Variants in FOCAD observed in about 807,000 individuals in gnomAD.
The protein encoded by FOCAD is KIAA1797.
Under a neutral mutation model 225.6 loss-of-function variants are expected in FOCAD, and 198 were observed. That is an observed-to-expected ratio of 0.88 (90% CI 0.78 to 0.99). FOCAD has a LOEUF of 0.99. Among genes scored for constraint, FOCAD ranks in the 50% least tolerant of loss-of-function variants. The probability of loss-of-function intolerance (pLI) is 0.00; values close to 1 mark genes in which losing one functional copy is unlikely to be tolerated. For synonymous variants in FOCAD, 897 were observed against 755.0 expected (o/e 1.19, Z -3.08); for missense variants, 2,713 against 2,123.6 (o/e 1.28, Z -5.46).
chr9:20,921,736 A>T (rs934676237), intron 24 of FOCAD, among the ~76,000 whole-genome samples: 3 of 152,188 alleles, frequency 2.0e-5, no homozygotes, highest in African/African-American at 4.8e-5. Context: ...TTTCTCCATT[A>T]CTTAAGAACA....
intron 18 of FOCAD, among the ~76,000 whole-genome samples, chr9:20,870,641 C>T (rs573057103): frequency 6.6e-6 from 1 of 152,244 alleles, no homozygotes; most frequent in African/African-American, 2.4e-5. Context: ...AGCATCAGAT[C>T]GCAGCTCCCA....
chr9:20,869,467 A>G (rs1481145705), intron 18 of FOCAD, among the ~76,000 whole-genome samples: 4 of 152,200 alleles, frequency 2.6e-5, no homozygotes, highest in South Asian at 4.1e-4. Context: ...CTGAACATCA[A>G]TTTATGTTGT....
chr9:20,859,893 C>T (rs920215402), intron 15 of FOCAD, among the ~76,000 whole-genome samples: 1 of 151,530 alleles, frequency 6.6e-6, no homozygotes, highest in Non-Finnish European at 1.5e-5. Flanking sequence ...TTGTGGTTGC[C>T]TAGATTTGAG....
At chr9:20,972,700 T>G (rs1368106218) in intron 35 of FOCAD, among the ~76,000 whole-genome samples, 1 of 152,194 alleles carries the variant, frequency 6.6e-6, no homozygotes, top group Non-Finnish European at 1.5e-5. Context: ...TTTCTCTTTT[T>G]CAACTTCTGT....
At chr9:20,864,989 C>A (rs1001627735) in intron 16 of FOCAD, among the ~76,000 whole-genome samples, 4 of 152,026 alleles carry the variant, frequency 2.6e-5, no homozygotes. Context: ...AGTAACTTGA[C>A]CAAGACTGTA....
At chr9:20,948,758 C>T (rs775405213) in intron 31 of FOCAD, 93 bp from the exon 32 acceptor site, 83 of 1,364,608 alleles carry the variant, frequency 6.1e-5, no homozygotes, top group East Asian at 9.3e-5. Flanking sequence ...GGTACCAATT[C>T]GACCATTTAT....
chr9:20,822,999 C>T lies in FOCAD; in HGVS notation c.1804C>T (p.His602Tyr), dbSNP rs200357093. The T allele has an allele frequency of 1.3e-6, 2 of 1,597,958 alleles. No individual in the cohort carries two copies. The highest frequency in any genetic ancestry group is 1.1e-5 in the South Asian group (1 of 87,754). The change falls in exon 15 of 44, where the codon CAT (histidine) becomes TAT (tyrosine). Residue 602 changes from histidine to tyrosine, a missense_variant. By Grantham distance (83) the His-to-Tyr change is moderately conservative. Coordinates refer to ENST00000338382, the MANE Select transcript of FOCAD (RefSeq NM_001375567.1). ...RDICKQRPYQ[H>Y]GADMLAAISQ... is the part of the protein sequence containing the mutation. ...TTTCATTTCTTGTAGGCCATATCAA[C>T]ATGGTGCAGATATGTTGGCAGCTAT... is the stretch of plus-strand genomic sequence containing the variant.
intron 5 of FOCAD, among the ~76,000 whole-genome samples, chr9:20,755,830 C>G (rs1421143982): frequency 6.6e-6 from 1 of 151,708 alleles, no homozygotes; most frequent in African/African-American, 2.4e-5. Context: ...TTGTTTGTTC[C>G]TTTGTTTTTG....
rs1215738095 is a variant in FOCAD at position 20,982,438 on chromosome 9, G to T, written c.4720G>T (p.Val1574Phe). The T allele has an allele frequency of 9.3e-6, 15 of 1,612,712 alleles. No individual in the cohort carries two copies. Among genetic ancestry groups the T allele is most frequent in the African/African-American group, 2.7e-5 (2 of 74,906 alleles). The change falls in exon 39 of 44, where the codon GTT becomes TTT. Residue 1574 changes from valine (V) to phenylalanine (F), a missense_variant. Coordinates refer to ENST00000338382, the MANE Select transcript of FOCAD (RefSeq NM_001375567.1). Reference sequence around the variant, plus strand: ...TGATGATGCCAATCGGATCGCCCAGGTTACTAAGGTAATAACATATCTTTC... The same window carrying T: ...TGATGATGCCAATCGGATCGCCCAGTTTACTAAGGTAATAACATATCTTTC... Reference protein sequence around the residue: ...TDDDANRIAQVTKSNIEKAAF... With the variant: ...TDDDANRIAQFTKSNIEKAAF...
intron 14 of FOCAD, among the ~76,000 whole-genome samples, chr9:20,821,521 G>T (rs1025976215): frequency 6.6e-6 from 1 of 152,050 alleles, no homozygotes; most frequent in Non-Finnish European, 1.5e-5. Context: ...GGAAGAAAAT[G>T]ATGATGAATT....
chr9:20,763,486 A>T (rs886971441), intron 6 of FOCAD, among the ~76,000 whole-genome samples: 1 of 152,234 alleles, frequency 6.6e-6, no homozygotes, highest in Non-Finnish European at 1.5e-5. Context: ...TGTAATGGCA[A>T]TAAAGGCATT....
upstream of FOCAD, among the ~76,000 whole-genome samples, chr9:20,681,940 G>A (rs1488455240): frequency 1.3e-5 from 2 of 152,128 alleles, no homozygotes; most frequent in East Asian, 3.9e-4. Flanking sequence ...GTCTGCTGTG[G>A]CCTACATGTT....
chr9:20,757,514 A>T (rs2130888401), intron 5 of FOCAD, among the ~76,000 whole-genome samples: 1 of 152,330 alleles, frequency 6.6e-6, no homozygotes, highest in East Asian at 1.9e-4. Context: ...TTCAACAGAA[A>T]TTTTATGCAT....
intron 5 of FOCAD, among the ~76,000 whole-genome samples, chr9:20,756,069 T>C (rs570138547): frequency 7.9e-5 from 12 of 152,310 alleles, no homozygotes; most frequent in African/African-American, 2.6e-4. Flanking sequence ...TTCTTAGTAT[T>C]TGTGGCAACC....
chr9:20,988,303 C>T, intron 40 of FOCAD, 29 bp from the exon 41 acceptor site: 1 of 1,376,390 alleles, frequency 7.3e-7, no homozygotes, highest in Non-Finnish European at 1.0e-6. Context: ...AAACCATGGT[C>T]TAGTAAGAAA....
At position 20,950,977 on chromosome 9, in the gene FOCAD, G is replaced by C; in HGVS notation, c.3949-19G>C. The C allele has an allele frequency of 1.3e-6, 2 of 1,599,756 alleles. No homozygotes were observed. Among genetic ancestry groups the C allele is most frequent in the South Asian group, 2.2e-5 (2 of 90,750 alleles). ...TTGGATCTTATCCCATCATTGAACT[G>C]TTACCTTTTTATTTGTAGGTCATTA... On this transcript the variant is annotated intron_variant, in intron 33 of 43. Transcript: ENST00000338382.
chr9:20,958,720 C>G (rs1838427659), intron 35 of FOCAD, among the ~76,000 whole-genome samples: 1 of 152,104 alleles, frequency 6.6e-6, no homozygotes, highest in African/African-American at 2.4e-5. Flanking sequence ...TAAGTATTCT[C>G]TCTTCTACTT....
intron 11 of FOCAD, among the ~76,000 whole-genome samples, chr9:20,795,640 C>T (rs1177822739): frequency 2.6e-5 from 4 of 151,726 alleles, no homozygotes; most frequent in Admixed American, 1.3e-4. Flanking sequence ...AAAACTTAGT[C>T]GGGCGTGGTG....
chr9:20,884,338 G>T (rs1335107842), intron 20 of FOCAD, among the ~76,000 whole-genome samples: 1 of 152,014 alleles, frequency 6.6e-6, no homozygotes, highest in Non-Finnish European at 1.5e-5. Context: ...TCTCTTGGTT[G>T]CCCAGGCTGG....
Sources: allele counts gnomAD v4.1 joint callset (sites outside exome capture counted in the v4.1 genomes callset), GRCh38; gene constraint gnomAD v4.1.1; transcripts MANE v1.5; gene names NCBI Gene and HGNC (gene_info 2026-07-23, HGNC 2026-07-21).